The following YEATS2 variants were observed in gnomAD, a reference collection of about 807,000 sequenced individuals.
The protein encoded by YEATS2 is YEATS domain-containing protein 2.
A neutral mutation model predicts 163.2 loss-of-function variants in YEATS2; 77 were observed. The ratio of observed to expected loss-of-function variants is 0.47; its 90% CI spans 0.39 to 0.57. The LOEUF (loss-of-function observed/expected upper bound fraction) is 0.57. Ranked by LOEUF, YEATS2 falls within the 20% of genes least tolerant of loss-of-function variation. YEATS2 has a pLI of 0.00. For synonymous variants in YEATS2, 631 were observed against 645.1 expected, an observed-to-expected ratio of 0.98 and a Z score of 0.33; for missense variants, 1,549 against 1,729.8, an observed-to-expected ratio of 0.90 and a Z score of 1.85.
chr3:183,782,453 C>T (rs1018690370), intron 19 of YEATS2, among the ~76,000 whole-genome samples: 12 of 151,660 alleles, frequency 7.9e-5, no homozygotes, highest in East Asian at 5.8e-4. Context: ...GATGACGTCT[C>T]GCTCGTGTCC....
chr3:183,727,862 C>T (rs1002575398), intron 6 of YEATS2, among the ~76,000 whole-genome samples: 5 of 151,976 alleles, frequency 3.3e-5, no homozygotes, highest in South Asian at 2.1e-4. Flanking sequence ...GAAATCAACC[C>T]GAAGGCTAGA....
At chr3:183,731,639 A>G (rs1176676111) in intron 7 of YEATS2, among the ~76,000 whole-genome samples, 1 of 152,250 alleles carries the variant, frequency 6.6e-6, no homozygotes, top group Non-Finnish European at 1.5e-5. Flanking sequence ...AAGATATATT[A>G]TAACAGTGAG....
chr3:183,781,105 AAATAT>A (rs766593124), intron 19 of YEATS2, among the ~76,000 whole-genome samples: 17 of 152,218 alleles, frequency 1.1e-4, no homozygotes, highest in Non-Finnish European at 2.4e-4. Flanking sequence ...GAAACAGAAC[AAATAT>A]AATATATATA....
In YEATS2 at chr3:183,797,925, CTG is replaced by C; in HGVS notation, c.3102_3103del (p.Leu1035LysfsTer40). The stretch of plus-strand genomic sequence containing the variant: ...CTTTATCTTCCAATTTGTTCTAGGA[CTG>C]TTAAAGATTCACTCCAGTCAGTCCA... ...PISGKATVSG[L>X]LKIHSSQSSP... On this transcript the variant is annotated frameshift_variant, in exon 22 of 31. Coordinates refer to ENST00000305135, the MANE Select transcript of YEATS2 (RefSeq NM_018023.5). LOFTEE classifies it high-confidence loss of function. 6.2e-7 allele frequency: 1 copy of C among 1,613,994 alleles called. No individual in the cohort carries two copies. The highest frequency in any genetic ancestry group is 8.5e-7 in the Non-Finnish European group (1 of 1,179,918).
intron 21 of YEATS2, among the ~76,000 whole-genome samples, chr3:183,797,270 A>G (rs1330080344): frequency 2.2e-5 from 2 of 89,406 alleles, no homozygotes; most frequent in Non-Finnish European, 4.3e-5. Context: ...TCCAACTCTG[A>G]AAAAAAAAAA....
intron 15 of YEATS2, among the ~76,000 whole-genome samples, chr3:183,764,023 G>A (rs1001643181): frequency 1.1e-4 from 17 of 151,960 alleles, no homozygotes; most frequent in African/African-American, 4.1e-4. Flanking sequence ...AGCCAAGACT[G>A]TGCCACTGCA....
At position 183,803,234 on chromosome 3, in the gene YEATS2, T is replaced by C. The variant is rs886285274; in HGVS notation, c.3503-22T>C. 7 of 1,609,858 alleles carry C rather than the reference T, an allele frequency of 4.3e-6. No individual in the cohort carries two copies. The African/African-American group carries it at 8.0e-5, about 18-fold the overall frequency. On this transcript the variant is annotated intron_variant, in intron 25 of 30. Transcript: ENST00000305135. ...GAATCGTAAGAGCTTTATTCAGGCT[T>C]TGCTGGGTGTGTGCATTCTAGGTGA...
At chr3:183,791,779 G>C (rs1365878000) in intron 21 of YEATS2, among the ~76,000 whole-genome samples, 3 of 152,188 alleles carry the variant, frequency 2.0e-5, no homozygotes, top group East Asian at 3.9e-4. Context: ...ATAGGCTGGA[G>C]ATCCAGTAAG....
chr3:183,768,181 C>CT (rs1426474037), intron 15 of YEATS2, among the ~76,000 whole-genome samples: 2 of 152,124 alleles, frequency 1.3e-5, no homozygotes, highest in Admixed American at 1.3e-4. Flanking sequence ...CCTGGCTTTC[C>CT]TTTTTTTGCT....
At chr3:183,807,363 G>C in intron 28 of YEATS2, 1 of 418,976 alleles carries the variant, frequency 2.4e-6, no homozygotes, top group Non-Finnish European at 4.4e-6. Context: ...GTGAAGCAAA[G>C]CTGGCTAGAT....
intron 8 of YEATS2, among the ~76,000 whole-genome samples, chr3:183,739,758 G>T (rs1577087764): frequency 4.0e-5 from 1 of 25,058 alleles, no homozygotes; most frequent in Non-Finnish European, 7.4e-5. Flanking sequence ...CCAAAACAGA[G>T]ATATAGATCA....
In YEATS2 at chr3:183,811,027, G is replaced by T; in HGVS notation, c.*444G>T. 1 of 175,122 alleles carries T rather than the reference G, an allele frequency of 5.7e-6. No homozygotes were observed. The highest frequency in any genetic ancestry group is 1.2e-5 in the Non-Finnish European group (1 of 82,390). The allele number at this position is 175,122 out of a possible 1,614,324, so 10.8% of individuals were successfully genotyped here. ...CAGCAGTTACCCTGAAGAGAGATTG[G>T]GCTTCAGCCTTCAGCAGGTGGTTCT... On this transcript the variant is annotated 3_prime_UTR_variant, in exon 31 of 31. Coordinates refer to ENST00000305135, the MANE Select transcript of YEATS2 (RefSeq NM_018023.5).
chr3:183,793,609 C>CTTTTTTTTTTTTTTTTT (rs35098553), intron 21 of YEATS2: 5 of 109,376 alleles, frequency 4.6e-5, no homozygotes, highest in Admixed American at 1.3e-4. Flanking sequence ...TTCTTTCTTT[C>CTTTTTTTTTTTTTTTTT]TTTTTTTTTT....
intron 4 of YEATS2, among the ~76,000 whole-genome samples, chr3:183,720,961 C>T (rs1192208409): frequency 1.3e-5 from 2 of 152,094 alleles, no homozygotes; most frequent in Admixed American, 1.3e-4. Context: ...TCCAAGTTTC[C>T]CTCTTCTTAT....
chr3:183,805,478 A>G (rs1292930279), intron 27 of YEATS2, among the ~76,000 whole-genome samples: 1 of 151,836 alleles, frequency 6.6e-6, no homozygotes, highest in East Asian at 2.0e-4. Context: ...CCTCCTGTCC[A>G]AGGAAACCTG....
At chr3:183,753,971 A>G (rs1720451465) in intron 10 of YEATS2, among the ~76,000 whole-genome samples, 155 bp from the exon 11 acceptor site, 1 of 152,328 alleles carries the variant, frequency 6.6e-6, no homozygotes, top group East Asian at 1.9e-4. Context: ...TTTTTCACCA[A>G]AAATATGAAG....
At chr3:183,702,530 G>T (rs933965022) in intron 1 of YEATS2, among the ~76,000 whole-genome samples, 1 of 151,910 alleles carries the variant, frequency 6.6e-6, no homozygotes, top group African/African-American at 2.4e-5. Flanking sequence ...AAGTTGAACC[G>T]GTGGGGTAAA....
intron 1 of YEATS2, among the ~76,000 whole-genome samples, chr3:183,705,366 A>AAAGAT (rs1267236166): frequency 4.6e-5 from 7 of 152,140 alleles, no homozygotes; most frequent in Admixed American, 4.6e-4. Context: ...CTGTATTTTT[A>AAAGAT]TAAATTGTCT....
intron 9 of YEATS2, among the ~76,000 whole-genome samples, chr3:183,748,031 T>G (rs1178422773): frequency 6.6e-6 from 1 of 151,980 alleles, no homozygotes; most frequent in Non-Finnish European, 1.5e-5. Context: ...GGGAAAAAAT[T>G]AGTGTTAGTT....
Sources: gnomAD v4.1 joint callset for allele counts (sites outside exome capture counted in the v4.1 genomes callset) on GRCh38, gnomAD v4.1.1 for gene constraint, MANE v1.5 for transcripts, NCBI Gene and HGNC (gene_info 2026-07-23, HGNC 2026-07-21) for gene names.